Variants in CSMD2 observed in about 807,000 individuals in gnomAD.
CSMD2 encodes CUB and sushi domain-containing protein 2.
CSMD2 carries 130 observed loss-of-function variants against 398.5 expected under a neutral mutation model. The ratio of observed to expected loss-of-function variants is 0.33; its 90% CI spans 0.28 to 0.38. The LOEUF is 0.38. Ranked by LOEUF, CSMD2 falls within the 10% of genes least tolerant of loss-of-function variation. The probability of loss-of-function intolerance (pLI) is 1.00; values close to 1 mark genes in which losing one functional copy is unlikely to be tolerated. For synonymous variants in CSMD2, 1,828 were observed against 1,908.5 expected (o/e 0.96, Z 1.10); for missense variants, 3,829 against 4,764.9 (o/e 0.80, Z 5.78).
intron 56 of CSMD2, among the ~76,000 whole-genome samples, chr1:33,546,730 T>TC (rs35531054): frequency 2.2e-5 from 2 of 91,990 alleles, no homozygotes; most frequent in Non-Finnish European, 4.9e-5. Flanking sequence ...CCATCTGACC[T>TC]TTTTTTTTTT....
chr1:34,149,404 G>T (rs556507583), intron 1 of CSMD2, among the ~76,000 whole-genome samples: 1 of 152,270 alleles, frequency 6.6e-6, no homozygotes, highest in Non-Finnish European at 1.5e-5. Context: ...GCCTCATCCT[G>T]AAATGCCAGC....
intron 42 of CSMD2, among the ~76,000 whole-genome samples, chr1:33,604,272 G>A (rs1485211915): frequency 6.6e-6 from 1 of 152,216 alleles, no homozygotes; most frequent in Non-Finnish European, 1.5e-5. Flanking sequence ...ATGACCAACT[G>A]GTTACGCAGA....
intron 40 of CSMD2, among the ~76,000 whole-genome samples, chr1:33,612,182 A>C (rs568394784): frequency 6.6e-6 from 1 of 152,242 alleles, no homozygotes; most frequent in African/African-American, 2.4e-5. Flanking sequence ...TGGGAGACTA[A>C]GCCATTAGTG....
At chr1:33,806,726 A>G (rs1426852517) in intron 10 of CSMD2, among the ~76,000 whole-genome samples, 2 of 152,234 alleles carry the variant, frequency 1.3e-5, no homozygotes, top group Non-Finnish European at 2.9e-5. Context: ...CGTTTGAAAA[A>G]GAATCAAATA....
At chr1:33,899,101 G>C (rs1004836595) in intron 5 of CSMD2, among the ~76,000 whole-genome samples, 23 of 152,232 alleles carry the variant, frequency 1.5e-4, no homozygotes, top group African/African-American at 5.5e-4. Flanking sequence ...GACGGATGTG[G>C]CTAAATGACA....
chr1:34,147,418 G>A (rs559414334), intron 1 of CSMD2, among the ~76,000 whole-genome samples: 46 of 152,226 alleles, frequency 3.0e-4, no homozygotes, highest in Admixed American at 2.5e-3. Flanking sequence ...ATGGTCAGAA[G>A]GTCAGGAAGC....
At chr1:34,065,362 T>C (rs1179832951) in intron 2 of CSMD2, among the ~76,000 whole-genome samples, 1 of 152,212 alleles carries the variant, frequency 6.6e-6, no homozygotes, top group Non-Finnish European at 1.5e-5. Flanking sequence ...GCAGACTCCA[T>C]CAGGCATGGG....
At chr1:33,932,785 T>A (rs541463536) in intron 4 of CSMD2, among the ~76,000 whole-genome samples, 1 of 152,070 alleles carries the variant, frequency 6.6e-6, no homozygotes, top group Non-Finnish European at 1.5e-5. Flanking sequence ...TTCAGGAAAA[T>A]ACTACCCTAT....
rs541010809 is a variant in CSMD2 at position 33,625,123 on chromosome 1, A to T, written c.5428T>A (p.Ser1810Thr). 1.2e-6 allele frequency: 2 copies of T among 1,613,444 alleles called. No individual in the cohort carries two copies. The highest frequency in any genetic ancestry group is 2.2e-5 in the South Asian group (2 of 91,020). Residue 1810 changes from serine to threonine, a missense_variant, in exon 34 of 71, where the codon TCG becomes ACG. By Grantham distance (58) the Ser-to-Thr change is moderately conservative. Transcript: ENST00000373381. Reference sequence around the variant, plus strand: ...ACAGGGAGGCACTCGATCTCTGGCGACCCCTGCAGGGCATAGCCGGAGTTG... The same window carrying T: ...ACAGGGAGGCACTCGATCTCTGGCGTCCCCTGCAGGGCATAGCCGGAGTTG... ...ECNSGYALQG[S>T]PEIECLPVPG...
chr1:33,993,472 G>C (rs12041597), intron 3 of CSMD2, among the ~76,000 whole-genome samples: 16,870 of 151,568 alleles, frequency 0.11, 1,440 homozygotes, highest in East Asian at 0.42. Context: ...TTGTGTTCTC[G>C]ACCCCATCTC....
intron 20 of CSMD2, 98 bp downstream of exon 20, chr1:33,716,188 T>C: frequency 2.9e-6 from 3 of 1,019,024 alleles, no homozygotes; most frequent in South Asian, 2.9e-5. Context: ...GGAGAGTGGA[T>C]TAATATCTAT....
At chr1:33,751,402 T>C (rs972555120) in intron 13 of CSMD2, among the ~76,000 whole-genome samples, 1 of 152,082 alleles carries the variant, frequency 6.6e-6, no homozygotes, top group African/African-American at 2.4e-5. Context: ...AGGCTGAAAA[T>C]GATCCACTGG....
intron 7 of CSMD2, among the ~76,000 whole-genome samples, chr1:33,822,784 G>T (rs1469836987): frequency 6.6e-6 from 1 of 152,156 alleles, no homozygotes; most frequent in Non-Finnish European, 1.5e-5. Flanking sequence ...GGAAGCCTGA[G>T]CTGTATTTGC....
intron 1 of CSMD2, among the ~76,000 whole-genome samples, chr1:34,109,750 CAT>C (rs1169044840): frequency 6.6e-6 from 1 of 151,942 alleles, no homozygotes; most frequent in Non-Finnish European, 1.5e-5. Flanking sequence ...CAAAAGAAGA[CAT>C]ATATGAGCCA....
At chr1:33,583,566 A>T in intron 47 of CSMD2, 76 bp downstream of exon 47, 1 of 1,430,074 alleles carries the variant, frequency 7.0e-7, no homozygotes, top group Non-Finnish European at 9.7e-7. Flanking sequence ...GGAAAACTGC[A>T]GCACAGACTC....
At chr1:33,540,981 A>G (rs1164126224) in intron 59 of CSMD2, 149 bp downstream of exon 59, 4 of 860,452 alleles carry the variant, frequency 4.6e-6, no homozygotes, top group Non-Finnish European at 5.5e-6. Flanking sequence ...GCAGATGTTC[A>G]GGGGCCAGTT....
chr1:33,993,062 T>C (rs1254034633), intron 3 of CSMD2, among the ~76,000 whole-genome samples: 1 of 152,184 alleles, frequency 6.6e-6, no homozygotes, highest in Non-Finnish European at 1.5e-5. Context: ...CATATGTATA[T>C]GTGTATTGTG....
At chr1:33,916,633 GAC>G (rs1197033223) in intron 5 of CSMD2, among the ~76,000 whole-genome samples, 1 of 152,178 alleles carries the variant, frequency 6.6e-6, no homozygotes, top group African/African-American at 2.4e-5. Context: ...AGCTCATGGT[GAC>G]ACCAGGGTCT....
At chr1:34,099,653 G>T (rs187696390) in intron 1 of CSMD2, among the ~76,000 whole-genome samples, 1 of 152,330 alleles carries the variant, frequency 6.6e-6, no homozygotes, top group East Asian at 1.9e-4. Flanking sequence ...GGAACAGGTA[G>T]AATAGTCGGA....
Sources: allele counts gnomAD v4.1 joint callset (sites outside exome capture counted in the v4.1 genomes callset), GRCh38; gene constraint gnomAD v4.1.1; transcripts MANE v1.5; gene names NCBI Gene and HGNC (gene_info 2026-07-23, HGNC 2026-07-21).